Variants in CYP7B1 observed in about 807,000 individuals in gnomAD.
CYP7B1 encodes cytochrome P450 7B1.
CYP7B1 carries 29 observed loss-of-function variants against 42.7 expected under a neutral mutation model. The ratio of observed to expected loss-of-function variants is 0.68; its 90% CI spans 0.51 to 0.93. The LOEUF (loss-of-function observed/expected upper bound fraction) is 0.93. Among genes scored for constraint, CYP7B1 ranks in the 40% least tolerant of loss-of-function variants. The pLI is 0.00. For missense variants in CYP7B1, 655 were observed against 600.5 expected (o/e 1.09, Z -0.95); for synonymous variants, 235 against 218.2 (o/e 1.08, Z -0.68).
At chr8:64,602,974 A>G (rs900192884) in intron 5 of CYP7B1, among the ~76,000 whole-genome samples, 2 of 152,190 alleles carry the variant, frequency 1.3e-5, no homozygotes, top group Non-Finnish European at 2.9e-5. Context: ...GCATTCTCCA[A>G]CTAATTTCAA....
intron 1 of CYP7B1, among the ~76,000 whole-genome samples, chr8:64,679,163 A>G (rs17293712): frequency 0.11 from 16,306 of 152,074 alleles, 1,152 homozygotes; most frequent in Non-Finnish European, 0.16. Context: ...TAATCAAACT[A>G]TTTTTCCACA....
chr8:64,636,471 A>C (rs1382977510), intron 1 of CYP7B1, among the ~76,000 whole-genome samples: 1 of 152,236 alleles, frequency 6.6e-6, no homozygotes, highest in Non-Finnish European at 1.5e-5. Context: ...TTATTATATT[A>C]TCTCTGTACC....
intron 1 of CYP7B1, among the ~76,000 whole-genome samples, chr8:64,730,557 AT>A (rs1489665391): frequency 6.6e-6 from 1 of 152,170 alleles, no homozygotes; most frequent in Non-Finnish European, 1.5e-5. Flanking sequence ...ATTGATTGAG[AT>A]GAGTACCTGT....
intron 2 of CYP7B1, among the ~76,000 whole-genome samples, chr8:64,619,816 G>A (rs1805500491): frequency 6.6e-6 from 1 of 152,056 alleles, no homozygotes; most frequent in Non-Finnish European, 1.5e-5. Context: ...TTTGACATCT[G>A]GGTCATTATA....
chr8:64,737,723 G>A (rs1585886303), intron 1 of CYP7B1, among the ~76,000 whole-genome samples: 3 of 152,302 alleles, frequency 2.0e-5, no homozygotes, highest in South Asian at 4.1e-4. Context: ...ATTCCAAGAG[G>A]CAACAGAATT....
Position 64,616,011 on chromosome 8 carries a change from G to A in CYP7B1, c.530C>T (p.Thr177Met), listed in dbSNP as rs145152682. ...PQLLKTTSWD[T>M]AELYPFCSSI... Reference sequence around the variant, plus strand: ...GCTGCAGAATGGATACAGTTCTGCCGTGTCCCAACTTGTGGTTTTTAACAG... The same window carrying A: ...GCTGCAGAATGGATACAGTTCTGCCATGTCCCAACTTGTGGTTTTTAACAG... The change falls in exon 3 of 6, where the codon ACG becomes ATG. Residue 177 changes from threonine (T) to methionine (M), a missense_variant. Transcript: ENST00000310193. 3.0e-4 allele frequency: 481 copies of A among 1,613,652 alleles called. No individual in the cohort carries two copies. The Middle Eastern group carries it at 6.9e-3, about 23-fold the overall frequency.
rs72656481 is a variant in CYP7B1, at chr8:64,757,707, A to G, written c.122+40759T>C. ...TGGCAGTACCTCACCTCTGATCTGCATTGCTGGCTTCTTGCTTTCTGCCTC... is the reference window on the plus strand; with the variant it reads ...TGGCAGTACCTCACCTCTGATCTGCGTTGCTGGCTTCTTGCTTTCTGCCTC... On this transcript the variant is annotated intron_variant, in intron 1 of 5. Coordinates refer to ENST00000310193, the MANE Select transcript of CYP7B1 (RefSeq NM_004820.5). 1.4e-3 allele frequency among the ~76,000 whole-genome samples: 212 copies of G among 152,332 alleles called. 1 individual carries two copies. The highest frequency in any genetic ancestry group is 2.2e-3 in the Non-Finnish European group (148 of 68,032).
intron 1 of CYP7B1, among the ~76,000 whole-genome samples, chr8:64,669,841 T>C (rs558799299): frequency 2.0e-5 from 3 of 152,272 alleles, no homozygotes; most frequent in East Asian, 3.9e-4. Context: ...GGATGAATTA[T>C]CTCATTAACA....
chr8:64,711,712 C>T (rs1204753599), intron 1 of CYP7B1, among the ~76,000 whole-genome samples: 1 of 152,130 alleles, frequency 6.6e-6, no homozygotes, highest in Non-Finnish European at 1.5e-5. Flanking sequence ...TCTGAATATT[C>T]TTATAATACG....
At chr8:64,768,065 C>A (rs111338812) in intron 1 of CYP7B1, among the ~76,000 whole-genome samples, 1 of 152,130 alleles carries the variant, frequency 6.6e-6, no homozygotes, top group African/African-American at 2.4e-5. Context: ...TTTCCTAAGT[C>A]GACTAAGAAT....
chr8:64,753,293 A>G (rs1210510517), intron 1 of CYP7B1, among the ~76,000 whole-genome samples: 1 of 152,230 alleles, frequency 6.6e-6, no homozygotes, highest in Non-Finnish European at 1.5e-5. Context: ...TTGATTTCCA[A>G]TTTATTGATA....
intron 1 of CYP7B1, among the ~76,000 whole-genome samples, chr8:64,744,345 G>T (rs76256409): frequency 0.012 from 1,757 of 152,022 alleles, 42 homozygotes; most frequent in African/African-American, 0.038. Flanking sequence ...TAATGAAAAA[G>T]AATCTCTTTT....
At chr8:64,672,233 T>C (rs1806377314) in intron 1 of CYP7B1, among the ~76,000 whole-genome samples, 1 of 152,202 alleles carries the variant, frequency 6.6e-6, no homozygotes, top group African/African-American at 2.4e-5. Context: ...AAGTGTTTCC[T>C]CTAAGCTGAA....
At chr8:64,757,408 T>C (rs775637850) in intron 1 of CYP7B1, among the ~76,000 whole-genome samples, 5 of 152,194 alleles carry the variant, frequency 3.3e-5, no homozygotes, top group Non-Finnish European at 7.3e-5. Context: ...TATACATTGA[T>C]ATTATATGCC....
chr8:64,728,567 A>G (rs1186068971), intron 1 of CYP7B1, among the ~76,000 whole-genome samples: 1 of 152,218 alleles, frequency 6.6e-6, no homozygotes, highest in Non-Finnish European at 1.5e-5. Context: ...ATTTTAAGTT[A>G]TTATAATTGT....
chr8:64,686,257 C>T (rs1208902808), intron 1 of CYP7B1, among the ~76,000 whole-genome samples: 5 of 53,810 alleles, frequency 9.3e-5, no homozygotes, highest in African/African-American at 2.7e-4. Flanking sequence ...CCCGGCCAGC[C>T]GCCCCGTCCG....
chr8:64,724,457 A>AT (rs958359402), intron 1 of CYP7B1, among the ~76,000 whole-genome samples: 1 of 151,822 alleles, frequency 6.6e-6, no homozygotes, highest in African/African-American at 2.4e-5. Context: ...AAAAGAATGA[A>AT]TTTTTTTTCC....
chr8:64,705,007 C>T (rs1027031333), intron 1 of CYP7B1, among the ~76,000 whole-genome samples: 8 of 151,944 alleles, frequency 5.3e-5, no homozygotes, highest in Admixed American at 4.6e-4. Flanking sequence ...TACCTATGAT[C>T]CCATTTACTG....
chr8:64,769,116 C>A (rs1804162350), intron 1 of CYP7B1, among the ~76,000 whole-genome samples: 1 of 152,176 alleles, frequency 6.6e-6, no homozygotes, highest in African/African-American at 2.4e-5. Flanking sequence ...TCATTAGTTG[C>A]AAACAATTGA....
Sources: allele counts gnomAD v4.1 joint callset (sites outside exome capture counted in the v4.1 genomes callset), GRCh38; gene constraint gnomAD v4.1.1; transcripts MANE v1.5; gene names NCBI Gene and HGNC (gene_info 2026-07-23, HGNC 2026-07-21).